Variants in NINJ2 observed in about 807,000 individuals in gnomAD.
The protein encoded by NINJ2 is ninjurin 2, also known as ninjurin-2.
Under a neutral mutation model 11.7 loss-of-function variants are expected in NINJ2, and 12 were observed. The observed-to-expected ratio is 1.02, with a 90% CI of 0.66 to 1.66. The LOEUF (loss-of-function observed/expected upper bound fraction) is 1.66, where lower values mean the gene tolerates loss of function less well. NINJ2 is among the 40% of genes most tolerant of loss of function. The pLI is 0.00. For missense variants in NINJ2, 187 were observed against 181.8 expected (o/e 1.03, Z -0.16); for synonymous variants, 93 against 76.8 (o/e 1.21, Z -1.10).
chr12:643,687 T>A (rs1044976510), intron 1 of NINJ2: 7 of 987,910 alleles, frequency 7.1e-6, no homozygotes, highest in African/African-American at 1.7e-5. Flanking sequence ...GAGCCACGCC[T>A]CACCGCAACG....
chr12:659,625 C>T (rs1937929694), intron 1 of NINJ2, among the ~76,000 whole-genome samples: 1 of 152,236 alleles, frequency 6.6e-6, no homozygotes, highest in South Asian at 2.1e-4. Flanking sequence ...TGGAGGCCAC[C>T]TGCCCTGAGT....
chr12:597,147 G>A (rs529853195), intron 1 of NINJ2, among the ~76,000 whole-genome samples: 1 of 152,286 alleles, frequency 6.6e-6, no homozygotes, highest in East Asian at 1.9e-4. Flanking sequence ...AAAAATGGAA[G>A]GCGAAACACT....
Position 581,965 on chromosome 12 carries a change from C to A in NINJ2, c.34-15787G>T, listed in dbSNP as rs544716876. Among the ~76,000 whole-genome samples the A allele has an allele frequency of 6.6e-6, 1 of 152,352 alleles. No homozygotes were observed. The highest frequency in any genetic ancestry group is 2.1e-4 in the South Asian group (1 of 4,830). The stretch of plus-strand genomic sequence containing the variant: ...CCCTGGAGGGATTCCAATCCACAGC[C>A]TCTCCCTGGCTCCCTGCACTGACCC... On this transcript the variant is annotated intron_variant, in intron 1 of 3. Coordinates refer to ENST00000305108, the MANE Select transcript of NINJ2 (RefSeq NM_016533.6). This position sits in a 1 kb window ranked among gnomAD's most constrained non-coding sequence, Gnocchi z 4.9.
intron 1 of NINJ2, among the ~76,000 whole-genome samples, chr12:609,715 G>C (rs1212567340): frequency 6.8e-6 from 1 of 147,496 alleles, no homozygotes; most frequent in African/African-American, 2.5e-5. Context: ...AGCTTGCAGT[G>C]AGCTGAGATT....
At chr12:574,961 A>G (rs1947433967) in intron 1 of NINJ2, among the ~76,000 whole-genome samples, 1 of 152,224 alleles carries the variant, frequency 6.6e-6, no homozygotes, top group African/African-American at 2.4e-5. Flanking sequence ...GTGAAGTATT[A>G]AACAAATATG....
chr12:644,048 C>A (rs1592116246), intron 1 of NINJ2: 1 of 154,948 alleles, frequency 6.5e-6, no homozygotes, highest in Non-Finnish European at 1.5e-5. Flanking sequence ...CCCAGGGGGC[C>A]AGAGTTTCCC....
chr12:603,102 G>A (rs990169491), intron 1 of NINJ2, among the ~76,000 whole-genome samples: 2 of 152,110 alleles, frequency 1.3e-5, no homozygotes, highest in Admixed American at 6.6e-5. Context: ...CTCCAAAAGT[G>A]CTAGGATTTC....
intron 1 of NINJ2, among the ~76,000 whole-genome samples, chr12:647,308 G>C (rs1317681727): frequency 6.6e-6 from 1 of 152,160 alleles, no homozygotes; most frequent in Non-Finnish European, 1.5e-5. Context: ...TTCTAGTGGG[G>C]GTGGGCCTGT....
At chr12:573,691 C>T (rs1947411979) in intron 1 of NINJ2, among the ~76,000 whole-genome samples, 1 of 152,222 alleles carries the variant, frequency 6.6e-6, no homozygotes, top group African/African-American at 2.4e-5. Flanking sequence ...CACATGCACA[C>T]TTACTAAGAG....
intron 1 of NINJ2, among the ~76,000 whole-genome samples, chr12:652,690 G>C (rs141485037): frequency 0.011 from 1,716 of 152,138 alleles, 30 homozygotes; most frequent in African/African-American, 0.039. Flanking sequence ...ACTCATGCCT[G>C]TAATCCCAGC....
intron 1 of NINJ2, among the ~76,000 whole-genome samples, chr12:599,976 C>A (rs1592088157): frequency 1.3e-5 from 2 of 152,316 alleles, no homozygotes; most frequent in South Asian, 4.1e-4. Context: ...GCTGCCAGGG[C>A]CCCGATACTC....
intron 1 of NINJ2, among the ~76,000 whole-genome samples, chr12:650,650 G>A (rs1204600780): frequency 6.6e-6 from 1 of 152,146 alleles, no homozygotes; most frequent in Admixed American, 6.5e-5. Flanking sequence ...GGTGAGCCGA[G>A]TTCGCGCCAC....
chr12:627,457 C>T (rs1017208755), intron 1 of NINJ2, among the ~76,000 whole-genome samples: 1 of 152,158 alleles, frequency 6.6e-6, no homozygotes, highest in Non-Finnish European at 1.5e-5. Context: ...CTGATGTCAG[C>T]TGGGCAATCA....
At chr12:578,804 T>C (rs986945387) in intron 1 of NINJ2, among the ~76,000 whole-genome samples, 8 of 151,880 alleles carry the variant, frequency 5.3e-5, no homozygotes, top group Non-Finnish European at 8.8e-5. Flanking sequence ...GGATCCAAAC[T>C]GTCTTTTGAA....
chr12:651,549 C>T (rs1031695802), intron 1 of NINJ2, among the ~76,000 whole-genome samples: 1 of 152,060 alleles, frequency 6.6e-6, no homozygotes, highest in African/African-American at 2.4e-5. Flanking sequence ...ACATACCTAT[C>T]AAGAAAAAAT....
chr12:626,894 C>A (rs556875538), intron 1 of NINJ2, among the ~76,000 whole-genome samples: 1 of 151,970 alleles, frequency 6.6e-6, no homozygotes, highest in Non-Finnish European at 1.5e-5. Context: ...AAGACCAGCC[C>A]GGGCAGCATA....
chr12:651,447 C>CA (rs1937784222), intron 1 of NINJ2, among the ~76,000 whole-genome samples: 1 of 152,208 alleles, frequency 6.6e-6, no homozygotes, highest in Non-Finnish European at 1.5e-5. Flanking sequence ...GAAAGACTGA[C>CA]ACCCAACCAT....
chr12:565,540 C>G, intron 2 of NINJ2, 139 bp from the exon 3 acceptor site: 1 of 895,114 alleles, frequency 1.1e-6, no homozygotes, highest in Non-Finnish European at 1.7e-6. Context: ...TGGTCGTCAT[C>G]GGGCTGAGAT....
In NINJ2 at chr12:601,362, CA is replaced by C. The variant is rs757408754; in HGVS notation, c.34-35185del. Among the ~76,000 whole-genome samples the C allele has an allele frequency of 2.4e-4, 36 of 151,186 alleles. No individual in the cohort carries two copies. The East Asian group carries it at 3.1e-3, about 13-fold the overall frequency. The stretch of plus-strand genomic sequence containing the variant: ...GAGATCGAGACCATCCTGGCTAACA[CA>C]GTGAAACCCCGTCTCTACTAAAAAT... On this transcript the variant is annotated intron_variant, in intron 1 of 3. Transcript: ENST00000305108.
Sources: allele counts gnomAD v4.1 joint callset (sites outside exome capture counted in the v4.1 genomes callset), GRCh38; gene constraint gnomAD v4.1.1; non-coding constraint Gnocchi (gnomAD v3.1); transcripts MANE v1.5; gene names NCBI Gene and HGNC (gene_info 2026-07-23, HGNC 2026-07-21).